Variants in NEB observed in about 807,000 individuals in gnomAD.
NEB encodes the protein nebulin.
Under a neutral mutation model 952.2 loss-of-function variants are expected in NEB, and 512 were observed. That is an observed-to-expected ratio of 0.54 (90% confidence interval 0.50 to 0.58). The LOEUF is 0.58. Ranked by LOEUF, NEB falls within the 20% of genes least tolerant of loss-of-function variation. The pLI is 0.00. For missense variants in NEB, 8,428 were observed against 9,231.1 expected, an observed-to-expected ratio of 0.91 and a Z score of 3.56; for synonymous variants, 2,900 against 3,149.8, an observed-to-expected ratio of 0.92 and a Z score of 2.66.
At chr2:151,639,487 G>T in intron 62 of NEB, 103 bp from the exon 63 acceptor site, 1 of 855,448 alleles carries the variant, frequency 1.2e-6, no homozygotes, top group Non-Finnish European at 1.7e-6. Flanking sequence ...AAAAGGTTAT[G>T]TGTTTTATAC....
chr2:151,533,010 C>T (rs1447744139), intron 143 of NEB, among the ~76,000 whole-genome samples: 4 of 152,124 alleles, frequency 2.6e-5, no homozygotes, highest in Admixed American at 6.5e-5. Flanking sequence ...TAGAGCTGCA[C>T]GGTAATCCTC....
At chr2:151,486,407 G>A in intron 181 of NEB, 1 of 158,538 alleles carries the variant, frequency 6.3e-6, no homozygotes, top group Non-Finnish European at 1.4e-5. Context: ...TGGTGGAAGT[G>A]GAAAAGAGTG....
At position 151,508,004 on chromosome 2, in the gene NEB, C is replaced by G. The variant is rs1011425121; in HGVS notation, c.23451+1G>C. On this transcript the variant is annotated splice_donor_variant, in intron 162 of 181. Transcript: ENST00000397345. LOFTEE classifies it high-confidence loss of function. ...GTGCCTTACATTTAATAAAAACTTA[C>G]AAGGCTGAAGTTCTTTTGGTTCTCC... 3.1e-6 allele frequency: 5 copies of G among 1,600,420 alleles called. No individual in the cohort carries two copies. Among genetic ancestry groups the G allele is most frequent in the South Asian group, 1.1e-5 (1 of 88,946 alleles).
rs1488443668 is a variant in NEB at position 151,650,428 on chromosome 2, C to T, written c.7228-49G>A. 2.5e-6 allele frequency: 4 copies of T among 1,572,236 alleles called. No individual in the cohort carries two copies. In the African/African-American group the frequency reaches 5.4e-5, roughly 21 times the overall value. On this transcript the variant is annotated intron_variant, in intron 53 of 181. Transcript: ENST00000397345. ...TCAAAATCCCATTCTCACCTGGACCCTTGATTCAAGTGATTCTATGCATTA... is the reference window on the plus strand; with the variant it reads ...TCAAAATCCCATTCTCACCTGGACCTTTGATTCAAGTGATTCTATGCATTA...
intron 170 of NEB, 117 bp downstream of exon 170, chr2:151,498,143 T>C (rs1191764388): frequency 6.5e-7 from 1 of 1,529,184 alleles, no homozygotes; most frequent in African/African-American, 1.4e-5. Context: ...CCTTTTGTAA[T>C]ATAAGATGTA....
intron 66 of NEB, 118 bp from the exon 67 acceptor site, chr2:151,630,937 G>C: frequency 1.7e-6 from 2 of 1,149,438 alleles, no homozygotes; most frequent in Non-Finnish European, 2.4e-6. Context: ...TGAATATAAA[G>C]TATTCTACTG....
chr2:151,715,792 C>T (rs1009476525), intron 10 of NEB, among the ~76,000 whole-genome samples: 2 of 152,212 alleles, frequency 1.3e-5, no homozygotes, highest in African/African-American at 4.8e-5. Context: ...TTATACTGAT[C>T]AAATTCAGGT....
At chr2:151,534,080 G>C (rs2092529620) in intron 142 of NEB, 2 of 678,408 alleles carry the variant, frequency 2.9e-6, no homozygotes, top group African/African-American at 3.6e-5. Flanking sequence ...TGGGTGGCTA[G>C]ACAGATACTT....
At chr2:151,713,291 A>G (rs975637466) in intron 10 of NEB, among the ~76,000 whole-genome samples, 5 of 152,210 alleles carry the variant, frequency 3.3e-5, no homozygotes, top group Admixed American at 1.3e-4. Context: ...GGGGCTAAGC[A>G]CTGGGACTCC....
rs1324668489 is a variant in NEB, at chr2:151,490,468, T to G, written c.25201A>C (p.Ser8401Arg). 1 of 1,608,732 alleles carries G rather than the reference T, an allele frequency of 6.2e-7. No individual in the cohort carries two copies. Among genetic ancestry groups the G allele is most frequent in the Admixed American group, 1.7e-5 (1 of 59,496 alleles). The part of the protein sequence containing the change: ...REQSRSASAL[S>R]ISGGEEKSEH... ...GACTTCTCCTCACCCCCACTGATGC[T>G]TAGTGCACTGGCAGATCGTGACTGC... Residue 8401 changes from serine to arginine, a missense_variant, in exon 180 of 182, where the codon AGC becomes CGC. Coordinates refer to ENST00000397345, the MANE Select transcript of NEB (RefSeq NM_001164508.2).
At chr2:151,719,673 G>T (rs1336122670) in intron 9 of NEB, among the ~76,000 whole-genome samples, 1 of 152,144 alleles carries the variant, frequency 6.6e-6, no homozygotes, top group Admixed American at 6.5e-5. Context: ...TTGCTCAAAG[G>T]TTCAAGACCA....
chr2:151,516,103 T>A (rs770663614), intron 157 of NEB, among the ~76,000 whole-genome samples: 2 of 152,222 alleles, frequency 1.3e-5, no homozygotes, highest in Non-Finnish European at 2.9e-5. Context: ...GGCATTCTAC[T>A]AAGAGTAGAG....
At chr2:151,537,801 G>T in intron 140 of NEB, 71 bp downstream of exon 140, 2 of 984,386 alleles carry the variant, frequency 2.0e-6, no homozygotes, top group South Asian at 3.0e-5. Context: ...CAGTTTTTAT[G>T]CCATGTATGA....
rs746068413 is a variant in NEB at position 151,655,876 on chromosome 2, T to G, written c.6643A>C (p.Lys2215Gln). 5.6e-6 allele frequency: 9 copies of G among 1,613,788 alleles called. No individual in the cohort carries two copies. Among genetic ancestry groups the G allele is most frequent in the Non-Finnish European group, 7.6e-6 (9 of 1,179,774 alleles). The change falls in exon 50 of 182, where the codon AAG (lysine) becomes CAG (glutamine). Residue 2215 changes from lysine (K) to glutamine (Q), a missense_variant. Around this residue, in one of 11 missense-constraint regions of NEB, gnomAD observed 2,851 missense variants for 2,791.5 expected, o/e 1.02. Transcript: ENST00000397345. ...RQHPSNFQFK[K>Q]LTDSMDMVLA... ...ACCATGTCCATGGAATCAGTCAGCT[T>G]CTTAAACTGGAAGTTGCTCGGGTGC...
chr2:151,528,471 A>C (rs903379585), intron 146 of NEB, among the ~76,000 whole-genome samples: 1 of 152,168 alleles, frequency 6.6e-6, no homozygotes, highest in African/African-American at 2.4e-5. Flanking sequence ...GGATTTTGCA[A>C]GGTACGTTTT....
chr2:151,497,315 T>A, intron 171 of NEB: 1 of 978,000 alleles, frequency 1.0e-6, no homozygotes, highest in Non-Finnish European at 1.2e-6. Flanking sequence ...GTACCATGCC[T>A]CCTAAACAAT....
intron 71 of NEB, 100 bp from the exon 72 acceptor site, chr2:151,621,126 G>T: frequency 1.3e-6 from 1 of 771,360 alleles, no homozygotes; most frequent in Non-Finnish European, 2.2e-6. Context: ...AAAACTACAT[G>T]AGTATGTTCA....
At position 151,553,659 on chromosome 2, in the gene NEB, C is replaced by T. The variant is rs532629827; in HGVS notation, c.19627-157G>A. Among the ~76,000 whole-genome samples the T allele has an allele frequency of 9.8e-5, 15 of 152,296 alleles. No individual in the cohort carries two copies. The South Asian group carries it at 3.1e-3, about 32-fold the overall frequency. ...CAGGGGAGCCACAGAAACATGTGTA[C>T]ACAGAGCCCTGCTTCCAGAGACAGC... On this transcript the variant is annotated intron_variant, in intron 126 of 181. Transcript: ENST00000397345.
rs1255744452 is a variant in NEB, at chr2:151,696,713, T to C, written c.1493A>G (p.Asp498Gly). Residue 498 changes from aspartate to glycine, a missense_variant, in exon 17 of 182, where the codon GAT (aspartate) becomes GGT (glycine). Asp to Gly is a moderately conservative substitution (Grantham distance 94). Around this residue, in one of 11 missense-constraint regions of NEB, gnomAD observed 2,851 missense variants for 2,791.5 expected, o/e 1.02. Coordinates refer to ENST00000397345, the MANE Select transcript of NEB (RefSeq NM_001164508.2). Reference protein sequence around the residue: ...CKDHTYKVHPDKTKFTQVTDS... With the variant: ...CKDHTYKVHPGKTKFTQVTDS... ...TGTAACTTGGGTGAATTTTGTCTTATCTGGATGGACTTTGTAGGTGTGCTG... is the reference window on the plus strand; with the variant it reads ...TGTAACTTGGGTGAATTTTGTCTTACCTGGATGGACTTTGTAGGTGTGCTG... The C allele has an allele frequency of 3.7e-6, 6 of 1,613,718 alleles. No homozygotes were observed. In the Admixed American group the frequency reaches 5.0e-5, roughly 13 times the overall value.
Sources: gnomAD v4.1 joint callset for allele counts (sites outside exome capture counted in the v4.1 genomes callset) on GRCh38, gnomAD v4.1.1 for gene constraint, gnomAD v4.1.1 regional missense constraint, MANE v1.5 for transcripts, NCBI Gene and HGNC (gene_info 2026-07-23, HGNC 2026-07-21) for gene names.